Variants in KCNMB2 observed in about 807,000 individuals in gnomAD.
KCNMB2 encodes the protein calcium-activated potassium channel subunit beta-2.
KCNMB2 carries 9 observed loss-of-function variants against 24.5 expected under a neutral mutation model. The ratio of observed to expected loss-of-function variants is 0.37; its 90% CI spans 0.22 to 0.64. The LOEUF (loss-of-function observed/expected upper bound fraction) is 0.64, where lower values mean the gene tolerates loss of function less well. Among genes scored for constraint, KCNMB2 ranks in the 30% least tolerant of loss-of-function variants. The probability of loss-of-function intolerance (pLI) is 0.63; values close to 1 mark genes in which losing one functional copy is unlikely to be tolerated. For synonymous variants in KCNMB2, 109 were observed against 104.4 expected, an observed-to-expected ratio of 1.04 and a Z score of -0.27; for missense variants, 226 against 284.3, an observed-to-expected ratio of 0.79 and a Z score of 1.47.
At chr3:178,547,761 C>T (rs1314648534) in intron 1 of KCNMB2, among the ~76,000 whole-genome samples, 2 of 152,118 alleles carry the variant, frequency 1.3e-5, no homozygotes, top group African/African-American at 2.4e-5. Context: ...CACTTAAAAC[C>T]GAAGCCATCT....
chr3:178,799,157 A>G (rs965787731), intron 1 of KCNMB2, among the ~76,000 whole-genome samples: 27 of 152,208 alleles, frequency 1.8e-4, no homozygotes, highest in Non-Finnish European at 1.5e-4. Context: ...GTTATTCAAC[A>G]TAGTACTGGA....
At chr3:178,768,940 T>G (rs866200481) in intron 1 of KCNMB2, among the ~76,000 whole-genome samples, 2 of 147,206 alleles carry the variant, frequency 1.4e-5, no homozygotes, top group Middle Eastern at 3.4e-3. Context: ...TACCCCATAA[T>G]GTACCAACAT....
intron 1 of KCNMB2, among the ~76,000 whole-genome samples, chr3:178,613,760 C>T (rs972520469): frequency 2.0e-5 from 3 of 152,084 alleles, no homozygotes; most frequent in African/African-American, 7.2e-5. Context: ...CTTTCTTTAT[C>T]CTTGACCTTT....
intron 1 of KCNMB2, among the ~76,000 whole-genome samples, chr3:178,625,921 C>T (rs1420651658): frequency 6.6e-6 from 1 of 152,058 alleles, no homozygotes; most frequent in Non-Finnish European, 1.5e-5. Flanking sequence ...TTGATCTTGC[C>T]ATAAGTATTA....
In KCNMB2 at chr3:178,538,234, C is replaced by T. The variant is rs62284790; in HGVS notation, c.-68+1523C>T. On this transcript the variant is annotated intron_variant, in intron 1 of 4. Coordinates refer to ENST00000452583, the MANE Select transcript of KCNMB2 (RefSeq NM_181361.3). The stretch of plus-strand genomic sequence containing the variant: ...GCCGAACTCTCTTGGCTGGTCTTTA[C>T]GTGACCAGACCACATGTCCACGAAA... Among the ~76,000 whole-genome samples, 765 of 152,256 alleles carry T rather than the reference C, an allele frequency of 5.0e-3. 4 individuals are homozygous for T. The highest frequency in any genetic ancestry group is 0.018 in the African/African-American group (727 of 41,534).
intron 1 of KCNMB2, among the ~76,000 whole-genome samples, chr3:178,695,434 C>G (rs7642345): frequency 0.71 from 108,207 of 152,148 alleles, 38,929 homozygotes; most frequent in African/African-American, 0.85. Context: ...TTCTCCCCCA[C>G]GAAGTGGGTT....
At chr3:178,646,856 T>C (rs1206540331) in intron 1 of KCNMB2, among the ~76,000 whole-genome samples, 2 of 152,336 alleles carry the variant, frequency 1.3e-5, no homozygotes, top group East Asian at 3.9e-4. Flanking sequence ...ATAAATCGTC[T>C]TTATTAAAAA....
chr3:178,772,678 T>C (rs1244681771), intron 1 of KCNMB2, among the ~76,000 whole-genome samples: 1 of 152,250 alleles, frequency 6.6e-6, no homozygotes, highest in Non-Finnish European at 1.5e-5. Context: ...ATCTGTTTCA[T>C]ACACTGCTAA....
intron 1 of KCNMB2, among the ~76,000 whole-genome samples, chr3:178,589,475 T>G (rs1190255984): frequency 6.6e-6 from 1 of 152,048 alleles, no homozygotes; most frequent in Non-Finnish European, 1.5e-5. Flanking sequence ...TGTGTTTTTT[T>G]TGTTGTTGTT....
At chr3:178,816,464 TC>T (rs1714407243) in intron 2 of KCNMB2, among the ~76,000 whole-genome samples, 2 of 152,040 alleles carry the variant, frequency 1.3e-5, no homozygotes, top group African/African-American at 4.8e-5. Flanking sequence ...ATATAGTTCA[TC>T]TATTTCATTT....
chr3:178,806,485 T>C (rs1713974271), intron 1 of KCNMB2, among the ~76,000 whole-genome samples: 1 of 152,200 alleles, frequency 6.6e-6, no homozygotes, highest in African/African-American at 2.4e-5. Context: ...CTAATGACTA[T>C]GCATCCATGA....
At chr3:178,757,598 A>G (rs1403438427) in intron 1 of KCNMB2, among the ~76,000 whole-genome samples, 2 of 49,130 alleles carry the variant, frequency 4.1e-5, no homozygotes, top group Admixed American at 5.1e-4. Context: ...AAGAGGATAT[A>G]TATATATGTA....
chr3:178,748,217 G>A (rs1394116452), intron 1 of KCNMB2: 1 of 152,186 alleles, frequency 6.6e-6, no homozygotes, highest in African/African-American at 2.4e-5. Context: ...ACAATAGCAA[G>A]TTAAAGAAAT....
intron 1 of KCNMB2, among the ~76,000 whole-genome samples, chr3:178,784,706 T>G (rs181908380): frequency 0.011 from 1,653 of 148,404 alleles, 30 homozygotes; most frequent in African/African-American, 0.039. Context: ...TCATTATTCC[T>G]GTTAACTGAT....
intron 1 of KCNMB2, among the ~76,000 whole-genome samples, chr3:178,651,105 G>T (rs914358110): frequency 3.3e-5 from 5 of 152,194 alleles, no homozygotes; most frequent in African/African-American, 1.2e-4. Flanking sequence ...AATAGGAAGA[G>T]AGGAAGTCAA....
At chr3:178,758,044 A>AAGAG (rs374002287) in intron 1 of KCNMB2, among the ~76,000 whole-genome samples, 4,064 of 7,122 alleles carry the variant, frequency 0.57, 1,300 homozygotes, top group Middle Eastern at 1. Context: ...ATATATATCT[A>AAGAG]GATATATATA....
chr3:178,642,697 G>C (rs929825999), intron 1 of KCNMB2, among the ~76,000 whole-genome samples: 1 of 152,152 alleles, frequency 6.6e-6, no homozygotes, highest in Non-Finnish European at 1.5e-5. Context: ...TGAAAATCTT[G>C]CAGTGTAATC....
intron 1 of KCNMB2, among the ~76,000 whole-genome samples, chr3:178,649,027 A>T (rs900662234): frequency 2.9e-4 from 44 of 152,178 alleles, no homozygotes; most frequent in African/African-American, 1.0e-3. Context: ...AAATTGCCTA[A>T]TCATGGTATT....
intron 1 of KCNMB2, among the ~76,000 whole-genome samples, chr3:178,728,239 G>A (rs1359350926): frequency 1.3e-5 from 2 of 152,078 alleles, no homozygotes; most frequent in Non-Finnish European, 2.9e-5. Flanking sequence ...ACATAATAAA[G>A]ATGGGTGGCT....
Sources: allele counts gnomAD v4.1 joint callset (sites outside exome capture counted in the v4.1 genomes callset), GRCh38; gene constraint gnomAD v4.1.1; transcripts MANE v1.5; gene names NCBI Gene and HGNC (gene_info 2026-07-23, HGNC 2026-07-21).